The following NCKAP5 variants were observed in gnomAD, a reference collection of about 807,000 sequenced individuals.
NCKAP5 encodes NCK associated protein 5, also known as nck-associated protein 5.
In NCKAP5, 92 loss-of-function variants were observed where a neutral mutation model predicts 167.0. The observed-to-expected ratio is 0.55, with a 90% CI of 0.47 to 0.66. The LOEUF (loss-of-function observed/expected upper bound fraction) is 0.66, where lower values mean the gene tolerates loss of function less well. Among genes scored for constraint, NCKAP5 ranks in the 30% least tolerant of loss-of-function variants. The probability of loss-of-function intolerance (pLI) is 0.00; values close to 1 mark genes in which losing one functional copy is unlikely to be tolerated. For synonymous variants in NCKAP5, 891 were observed against 877.4 expected (o/e 1.02, Z -0.27); for missense variants, 2,378 against 2,315.0 (o/e 1.03, Z -0.56).
At chr2:133,332,431 C>CA (rs1010622386) in intron 3 of NCKAP5, among the ~76,000 whole-genome samples, 6 of 151,982 alleles carry the variant, frequency 3.9e-5, no homozygotes, top group African/African-American at 1.2e-4. Flanking sequence ...TAATTTCAGC[C>CA]AAAAAAACCC....
At chr2:133,093,478 A>G (rs1331473037) in intron 6 of NCKAP5, among the ~76,000 whole-genome samples, 2 of 152,208 alleles carry the variant, frequency 1.3e-5, no homozygotes, top group East Asian at 3.8e-4. Context: ...ACTCAAAGTC[A>G]GTAAAACTTT....
intron 8 of NCKAP5, among the ~76,000 whole-genome samples, chr2:132,952,453 C>A (rs372809701): frequency 3.5e-4 from 54 of 152,230 alleles, no homozygotes; most frequent in South Asian, 1.4e-3. Flanking sequence ...GTCACAGACC[C>A]CCCCCACTCC....
chr2:133,560,132 G>A (rs989600468), intron 1 of NCKAP5, among the ~76,000 whole-genome samples: 15 of 152,164 alleles, frequency 9.9e-5, no homozygotes, highest in Non-Finnish European at 4.4e-5. Context: ...TTTGTGCCCC[G>A]AGTCCACAGG....
intron 3 of NCKAP5, among the ~76,000 whole-genome samples, chr2:133,422,904 A>G (rs1228138732): frequency 6.6e-6 from 1 of 152,118 alleles, no homozygotes; most frequent in Non-Finnish European, 1.5e-5. Context: ...AGTTTCATGC[A>G]CCAGAGAACA....
chr2:132,956,129 G>A (rs2076335516), intron 8 of NCKAP5, among the ~76,000 whole-genome samples: 1 of 152,094 alleles, frequency 6.6e-6, no homozygotes, highest in Admixed American at 6.5e-5. Flanking sequence ...TGAGGTGATG[G>A]ATATGTTAAC....
intron 3 of NCKAP5, among the ~76,000 whole-genome samples, chr2:133,380,449 C>T (rs916372052): frequency 3.9e-4 from 59 of 152,006 alleles, no homozygotes; most frequent in African/African-American, 1.4e-3. Context: ...ATATAATTAA[C>T]CAAAGACCTC....
intron 2 of NCKAP5, among the ~76,000 whole-genome samples, chr2:133,543,286 G>C (rs1047248959): frequency 3.3e-5 from 5 of 152,072 alleles, no homozygotes; most frequent in African/African-American, 1.2e-4. Flanking sequence ...GTAAGCTCCT[G>C]AGGTCTCACC....
the NCKAP5 span, among the ~76,000 whole-genome samples, chr2:133,611,530 T>C: frequency 1.3e-5 from 2 of 152,328 alleles, no homozygotes; most frequent in Admixed American, 1.3e-4. Context: ...AGACAAAGCA[T>C]ACTCCTCTCT....
chr2:133,560,349 A>G (rs186613562), intron 1 of NCKAP5, among the ~76,000 whole-genome samples: 22 of 152,360 alleles, frequency 1.4e-4, no homozygotes, highest in Non-Finnish European at 2.9e-4. Flanking sequence ...CAAAACAGAC[A>G]CAGGCTCTGC....
chr2:133,449,244 C>T (rs1691401069), intron 3 of NCKAP5, among the ~76,000 whole-genome samples: 1 of 152,166 alleles, frequency 6.6e-6, no homozygotes, highest in African/African-American at 2.4e-5. Flanking sequence ...AAGAATGTTT[C>T]CCTAAACTGC....
intron 7 of NCKAP5, among the ~76,000 whole-genome samples, chr2:132,980,605 T>C (rs1388009836): frequency 6.6e-6 from 1 of 152,186 alleles, no homozygotes; most frequent in Non-Finnish European, 1.5e-5. Context: ...AACAGGTTCT[T>C]CACCAGAGAG....
At chr2:132,738,918 T>C (rs1311556459) in intron 16 of NCKAP5, among the ~76,000 whole-genome samples, 1 of 152,158 alleles carries the variant, frequency 6.6e-6, no homozygotes, top group Non-Finnish European at 1.5e-5. Context: ...TCCACTCCCA[T>C]GACCCAAACA....
chr2:133,573,252 A>G (rs974785020), upstream of NCKAP5, among the ~76,000 whole-genome samples: 2 of 152,248 alleles, frequency 1.3e-5, no homozygotes, highest in African/African-American at 4.8e-5. Flanking sequence ...GATTACTCCC[A>G]TAATGACTGC....
chr2:132,673,389 T>A, intron 19 of NCKAP5, 84 bp from the exon 20 acceptor site: 1 of 1,156,604 alleles, frequency 8.6e-7, no homozygotes, highest in Non-Finnish European at 1.2e-6. Context: ...ATTGTCTGTA[T>A]AAAGTACAGT....
chr2:133,614,211 G>A, the NCKAP5 span, among the ~76,000 whole-genome samples: 1 of 152,144 alleles, frequency 6.6e-6, no homozygotes, highest in Non-Finnish European at 1.5e-5. Flanking sequence ...GTGGTCTGGG[G>A]CAAGTTCTCA....
intron 6 of NCKAP5, among the ~76,000 whole-genome samples, chr2:133,050,684 C>T (rs965099589): frequency 6.6e-6 from 1 of 152,110 alleles, no homozygotes; most frequent in Admixed American, 6.5e-5. Flanking sequence ...GTATATTTTT[C>T]TACATTTTTA....
chr2:133,330,704 C>T (rs1399261936), intron 3 of NCKAP5, among the ~76,000 whole-genome samples: 1 of 151,912 alleles, frequency 6.6e-6, no homozygotes, highest in Non-Finnish European at 1.5e-5. Flanking sequence ...GCCTGGGCAA[C>T]ATAGCAAGAC....
chr2:133,342,483 C>T (rs967751231), intron 3 of NCKAP5, among the ~76,000 whole-genome samples: 9 of 151,636 alleles, frequency 5.9e-5, no homozygotes, highest in African/African-American at 2.2e-4. Flanking sequence ...CATCTTCATC[C>T]CATCCAGAGT....
intron 5 of NCKAP5, among the ~76,000 whole-genome samples, chr2:133,182,451 T>C (rs1574297815): frequency 6.6e-6 from 1 of 152,176 alleles, no homozygotes; most frequent in East Asian, 1.9e-4. Context: ...CACAATGGGA[T>C]TAAACTTCGA....
Sources: allele counts gnomAD v4.1 joint callset (sites outside exome capture counted in the v4.1 genomes callset), GRCh38; gene constraint gnomAD v4.1.1; transcripts MANE v1.5; gene names NCBI Gene and HGNC (gene_info 2026-07-23, HGNC 2026-07-21).